ZNF394: variants seen among roughly 807,000 people sequenced by gnomAD.
ZNF394 encodes the protein zinc finger protein 99.
ZNF394 carries 19 observed loss-of-function variants against 21.8 expected under a neutral mutation model. The observed-to-expected ratio is 0.87, with a 90% CI of 0.61 to 1.28. The LOEUF (loss-of-function observed/expected upper bound fraction) is 1.28, where lower values mean the gene tolerates loss of function less well. Among genes scored for constraint, ZNF394 ranks in the 50% most tolerant of loss-of-function variants. ZNF394 has a pLI of 0.00. For synonymous variants in ZNF394, 294 were observed against 273.3 expected, an observed-to-expected ratio of 1.08 and a Z score of -0.75; for missense variants, 683 against 708.6, an observed-to-expected ratio of 0.96 and a Z score of 0.41.
Position 99,499,676 on chromosome 7 carries a change from G to A in ZNF394, c.418C>T (p.Arg140Trp), listed in dbSNP as rs1450557901. 6.2e-7 allele frequency: 1 copy of A among 1,609,264 alleles called. No individual in the cohort carries two copies. Among genetic ancestry groups the A allele is most frequent in the Non-Finnish European group, 8.5e-7 (1 of 1,178,916 alleles). Residue 140 changes from arginine (R) to tryptophan (W), a missense_variant, in exon 1 of 3, where the codon CGG becomes TGG. Arg to Trp is a moderately radical substitution (Grantham distance 101). Coordinates refer to ENST00000337673, the MANE Select transcript of ZNF394 (RefSeq NM_032164.4). ...CCATCGAGCGCTCGCTGCAGAGCCC[G>A]CACCACGGCCACCGCCTCCTCCCCG... ...ESGEEAVAVV[R>W]ALQRALDGTS...
chr7:99,493,981 T>A lies in ZNF394; in HGVS notation c.1234A>T (p.Lys412Ter). The A allele has an allele frequency of 6.2e-7, 1 of 1,614,236 alleles. No individual in the cohort carries two copies. The highest frequency in any genetic ancestry group is 8.5e-7 in the Non-Finnish European group (1 of 1,180,042). Residue 412 changes from lysine (K) to a stop codon, truncating the protein, a stop_gained, in exon 3 of 3, where the codon AAG (lysine) becomes TAG (stop). Coordinates refer to ENST00000337673, the MANE Select transcript of ZNF394 (RefSeq NM_032164.4). LOFTEE classifies it low-confidence loss of function (END_TRUNC). Reference sequence around the variant, plus strand: ...CCACATTTCAGACAGGTGTACGGCTTCTCGCCTGTGTGTGTCCTCTGGTGC... The same window carrying A: ...CCACATTTCAGACAGGTGTACGGCTACTCGCCTGTGTGTGTCCTCTGGTGC... ...TKHQRTHTGE[K>*]PYTCLKCGER...
At chr7:99,496,872 A>T (rs1800328676) in intron 2 of ZNF394, among the ~76,000 whole-genome samples, 1 of 150,816 alleles carries the variant, frequency 6.6e-6, no homozygotes, top group Admixed American at 6.6e-5. Flanking sequence ...GTACCCAGCC[A>T]ACAGCAAATG....
chr7:99,489,294 A>G (rs926852985), downstream of ZNF394, among the ~76,000 whole-genome samples: 2 of 151,800 alleles, frequency 1.3e-5, no homozygotes, highest in Non-Finnish European at 2.9e-5. Flanking sequence ...AAAAAAGAAA[A>G]AAAAAAAAAA....
intron 2 of ZNF394, among the ~76,000 whole-genome samples, chr7:99,497,122 G>GTGTATATATATA (rs1322382800): frequency 1.1e-4 from 9 of 79,434 alleles, no homozygotes; most frequent in Middle Eastern, 5.3e-3. Context: ...GTGTGTGTGT[G>GTGTATATATATA]TATATATATA....
chr7:99,495,327 C>G (rs995355379), intron 2 of ZNF394, among the ~76,000 whole-genome samples: 1 of 146,216 alleles, frequency 6.8e-6, no homozygotes, highest in Non-Finnish European at 1.5e-5. Context: ...TTTATCGTAT[C>G]TTATTTTATT....
rs114413880 is a variant in ZNF394, at chr7:99,493,835, C to T, written c.1380G>A (p.Gln460=). 2.4e-3 allele frequency: 3,893 copies of T among 1,614,046 alleles called. 38 individuals carry two copies. In the African/African-American group the frequency reaches 0.038, roughly 16 times the overall value. ...TCHISNLFRH[Q]RLHKGERPYK... ...AGGGTCTTTCCCCTTTATGTAGTCT[C>T]TGATGTCTAAAAAGGTTGGAAATAT... is the stretch of plus-strand genomic sequence containing the variant. The change falls in exon 3 of 3, where the codon CAG becomes CAA. Residue 460 remains glutamine (Q), a synonymous_variant. Transcript: ENST00000337673.
chr7:99,498,518 G>A (rs980789635), intron 2 of ZNF394, 198 bp downstream of exon 2: 2 of 610,938 alleles, frequency 3.3e-6, no homozygotes, highest in Admixed American at 3.3e-5. Context: ...TTTTCTGTAT[G>A]TATAAAACAT....
downstream of ZNF394, among the ~76,000 whole-genome samples, chr7:99,491,940 G>A (rs1800170583): frequency 6.6e-6 from 1 of 151,246 alleles, no homozygotes. Context: ...AAGGCATGGT[G>A]GGGGTGCATG....
In ZNF394 at chr7:99,500,219, C is replaced by T. The variant is rs546288043; in HGVS notation, c.-126G>A. ...CACCGGGCCCCACCACACCAGGCCC[C>T]TCTCCACACTCTCCTTTCCTCAGCT... On this transcript the variant is annotated 5_prime_UTR_variant, in exon 1 of 3. Transcript: ENST00000337673. 5 of 798,036 alleles carry T rather than the reference C, an allele frequency of 6.3e-6. No homozygotes were observed. Among genetic ancestry groups the T allele is most frequent in the Non-Finnish European group, 9.5e-6 (5 of 527,918 alleles). The allele number at this position is 798,036 out of a possible 1,614,324, so 49.4% of individuals were successfully genotyped here. A position where few individuals can be genotyped will look rare whatever the true frequency, so the allele number is the denominator to read the frequency against.
downstream of ZNF394, among the ~76,000 whole-genome samples, chr7:99,491,308 G>A (rs1800155911): frequency 6.6e-6 from 1 of 152,124 alleles, no homozygotes; most frequent in African/African-American, 2.4e-5. Context: ...CATCCTCAAT[G>A]ACTAGCAGAG....
In ZNF394 at chr7:99,499,708, G is replaced by A; in HGVS notation, c.386C>T (p.Pro129Leu). 6.2e-7 allele frequency: 1 copy of A among 1,613,564 alleles called. No individual in the cohort carries two copies. The highest frequency in any genetic ancestry group is 8.5e-7 in the Non-Finnish European group (1 of 1,180,000). The change falls in exon 1 of 3, where the codon CCA becomes CTA. Residue 129 changes from proline to leucine, a missense_variant. Pro to Leu is a moderately conservative substitution (Grantham distance 98). Around this residue, in one of 3 missense-constraint regions of ZNF394, gnomAD observed 402 missense variants for 373.8 expected, o/e 1.08. Transcript: ENST00000337673. Reference sequence around the variant, plus strand: ...GGCCACCGCCTCCTCCCCGCTCTCTGGGCAGTGCTCTCGCACCCAGGCTTG... The same window carrying A: ...GGCCACCGCCTCCTCCCCGCTCTCTAGGCAGTGCTCTCGCACCCAGGCTTG... ...ELQAWVREHC[P>L]ESGEEAVAVV... is the part of the protein sequence containing the mutation.
Position 99,493,477 on chromosome 7 carries a change from A to T in ZNF394, c.*52T>A. The stretch of plus-strand genomic sequence containing the variant: ...TTACCATGTTGGCCAGGCTGGTTTC[A>T]AACTCCTGATCTCAAATGATCTGCC... On this transcript the variant is annotated 3_prime_UTR_variant, in exon 3 of 3. Coordinates refer to ENST00000337673, the MANE Select transcript of ZNF394 (RefSeq NM_032164.4). 6.8e-7 allele frequency: 1 copy of T among 1,465,508 alleles called. No individual in the cohort carries two copies. The highest frequency in any genetic ancestry group is 9.2e-7 in the Non-Finnish European group (1 of 1,087,940). The allele number at this position is 1,465,508 out of a possible 1,614,324, so 90.8% of individuals were successfully genotyped here.
downstream of ZNF394, among the ~76,000 whole-genome samples, chr7:99,491,771 C>CAA (rs768073826): frequency 0.061 from 2,104 of 34,522 alleles, 104 homozygotes; most frequent in African/African-American, 0.098. Flanking sequence ...GAATCTGTCT[C>CAA]AAAAAAAAAA....
Position 99,499,933 on chromosome 7 carries a change from G to A in ZNF394, c.161C>T (p.Pro54Leu), listed in dbSNP as rs769043529. ...AGTTTCGGGGTCCGGCGAAGCCGCG[G>A]GATAGTTGGGCTCCCAACTTCCGGG... ...DSPGSWEPNY[P>L]AASPDPETSR... Residue 54 changes from proline (P) to leucine (L), a missense_variant, in exon 1 of 3, where the codon CCC becomes CTC. Physicochemically the swap from Pro to Leu is moderately conservative, Grantham distance 98 (BLOSUM62 -3). Coordinates refer to ENST00000337673, the MANE Select transcript of ZNF394 (RefSeq NM_032164.4). 2 of 1,614,056 alleles carry A rather than the reference G, an allele frequency of 1.2e-6. No homozygotes were observed. The highest frequency in any genetic ancestry group is 1.1e-5 in the South Asian group (1 of 91,084).
chr7:99,497,760 G>C (rs1460099399), intron 2 of ZNF394: 1 of 152,144 alleles, frequency 6.6e-6, no homozygotes, highest in Non-Finnish European at 1.5e-5. Flanking sequence ...CTCCTCGGGA[G>C]ACAGAGGCAG....
chr7:99,490,643 A>T (rs556368405), downstream of ZNF394, among the ~76,000 whole-genome samples: 743 of 147,698 alleles, frequency 5.0e-3, 7 homozygotes, highest in African/African-American at 0.017. Context: ...TTTTTTTTTA[A>T]AAAAAAAGAT....
chr7:99,486,668 G>C, exon 2 of ZNF394: 1 of 1,614,188 alleles, frequency 6.2e-7, no homozygotes, highest in East Asian at 2.2e-5. Context: ...TACAGCAGGG[G>C]CTTCCTTCAA....
In ZNF394 at chr7:99,495,932, A is replaced by C. The variant is rs1800293395; in HGVS notation, c.584-1301T>G. 2.7e-5 allele frequency among the ~76,000 whole-genome samples: 4 copies of C among 148,732 alleles called. No homozygotes were observed. In the South Asian group the frequency reaches 8.5e-4, roughly 32 times the overall value. On this transcript the variant is annotated intron_variant, in intron 2 of 2. Transcript: ENST00000337673. ...CCACTGCACCCAGCCTATTTATTTT[A>C]TCTTTTTGAGACAGAGTCTCACTCT...
intron 1 of ZNF394, chr7:99,487,674 T>A: frequency 1.6e-6 from 1 of 637,634 alleles, no homozygotes; most frequent in Non-Finnish European, 2.6e-6. Flanking sequence ...GGCAACACAG[T>A]GAGATCCCAT....
Sources: allele counts gnomAD v4.1 joint callset (sites outside exome capture counted in the v4.1 genomes callset), GRCh38; gene constraint gnomAD v4.1.1; regional missense constraint gnomAD v4.1.1; transcripts MANE v1.5; gene names NCBI Gene and HGNC (gene_info 2026-07-23, HGNC 2026-07-21).